The following CFAP97 variants were observed in gnomAD, a reference collection of about 807,000 sequenced individuals.
The protein encoded by CFAP97 is cilia- and flagella-associated protein 97.
A neutral mutation model predicts 43.1 loss-of-function variants in CFAP97; 36 were observed. The ratio of observed to expected loss-of-function variants is 0.84; its 90% CI spans 0.64 to 1.10. The LOEUF is 1.10. Among genes scored for constraint, CFAP97 ranks in the 50% least tolerant of loss-of-function variants. CFAP97 has a pLI of 0.00. For synonymous variants in CFAP97, 228 were observed against 225.7 expected, an observed-to-expected ratio of 1.01 and a Z score of -0.09; for missense variants, 657 against 620.3, an observed-to-expected ratio of 1.06 and a Z score of -0.63.
chr4:185,177,191 T>C (rs567612555), intron 2 of CFAP97, among the ~76,000 whole-genome samples: 1 of 152,144 alleles, frequency 6.6e-6, no homozygotes, highest in South Asian at 2.1e-4. Context: ...GGCAGGTGGA[T>C]TGCCTGAGGT....
chr4:185,198,649 T>C (rs1372006509), intron 1 of CFAP97, among the ~76,000 whole-genome samples: 1 of 150,774 alleles, frequency 6.6e-6, no homozygotes, highest in Non-Finnish European at 1.5e-5. Context: ...ATTAGCCGGG[T>C]GTGGTGGCGC....
At chr4:185,170,057 A>G in intron 3 of CFAP97, 1 of 1,192,640 alleles carries the variant, frequency 8.4e-7, no homozygotes, top group Non-Finnish European at 1.0e-6. Context: ...TTCTGAAGTT[A>G]CTCCTACAGG....
intron 1 of CFAP97, among the ~76,000 whole-genome samples, chr4:185,192,733 CTTTTTTTTTTTT>C (rs760026667): frequency 1.2e-5 from 1 of 81,410 alleles, no homozygotes; most frequent in African/African-American, 5.5e-5. Flanking sequence ...AATTGACCTT[CTTTTTTTTTTTT>C]TTTTTTTTTT....
chr4:185,200,008 C>A (rs1736753551), intron 1 of CFAP97, among the ~76,000 whole-genome samples: 1 of 152,184 alleles, frequency 6.6e-6, no homozygotes, highest in Non-Finnish European at 1.5e-5. Flanking sequence ...TTTTGTAAGG[C>A]CATATTTGTC....
chr4:185,193,946 T>C (rs1312032290), intron 1 of CFAP97, among the ~76,000 whole-genome samples: 1 of 152,002 alleles, frequency 6.6e-6, no homozygotes, highest in Non-Finnish European at 1.5e-5. Context: ...ATGGAAAAGC[T>C]TCTGTAGATA....
upstream of CFAP97, chr4:185,210,120 G>A (rs898718025): frequency 1.0e-6 from 1 of 984,114 alleles, no homozygotes; most frequent in East Asian, 1.1e-4. The surrounding 1 kb of genome is among the most constrained non-coding windows in gnomAD (Gnocchi z 4.4). Flanking sequence ...GCCTGTACCT[G>A]AGCTGCGCGG....
intron 1 of CFAP97, among the ~76,000 whole-genome samples, chr4:185,202,352 C>G (rs1736885080): frequency 6.6e-6 from 1 of 152,160 alleles, no homozygotes; most frequent in Non-Finnish European, 1.5e-5. Context: ...AGCTTGAGAC[C>G]AGCCTGGCCA....
chr4:185,176,826 C>T (rs969997647), intron 2 of CFAP97, among the ~76,000 whole-genome samples: 6 of 152,076 alleles, frequency 3.9e-5, no homozygotes, highest in Admixed American at 2.0e-4. Flanking sequence ...AAAGTAACTC[C>T]GAATATTCCA....
At chr4:185,201,187 G>A (rs907925374) in intron 1 of CFAP97, among the ~76,000 whole-genome samples, 6 of 151,958 alleles carry the variant, frequency 3.9e-5, no homozygotes, top group South Asian at 2.1e-4. Context: ...TTAGCTGGGC[G>A]TGGTGGCCCA....
At chr4:185,186,984 T>C (rs529336142) in intron 2 of CFAP97, among the ~76,000 whole-genome samples, 4 of 152,162 alleles carry the variant, frequency 2.6e-5, no homozygotes, top group African/African-American at 9.6e-5. Context: ...CAATAAATCA[T>C]CCACCTAGCG....
rs934986819 is a variant in CFAP97 at position 185,161,550 on chromosome 4, C to T, written c.*1248G>A. On this transcript the variant is annotated 3_prime_UTR_variant, in exon 5 of 5. Transcript: ENST00000458385. Reference sequence around the variant, plus strand: ...TGAAAAGGCTAGTAGTGAAAAACGGCGGTAACAATGAGATAACATACTTTG... The same window carrying T: ...TGAAAAGGCTAGTAGTGAAAAACGGTGGTAACAATGAGATAACATACTTTG... 1 of 151,984 alleles carries T rather than the reference C, an allele frequency of 6.6e-6. No homozygotes were observed. The allele number at this position is 151,984 out of a possible 1,614,324, so 9.4% of individuals were successfully genotyped here.
chr4:185,187,313 A>G (rs1392534713), intron 2 of CFAP97, among the ~76,000 whole-genome samples: 2 of 152,186 alleles, frequency 1.3e-5, no homozygotes, highest in Non-Finnish European at 2.9e-5. Context: ...CAGTCCCTTC[A>G]GTCTACAAAT....
At chr4:185,202,417 C>T (rs1252873173) in intron 1 of CFAP97, among the ~76,000 whole-genome samples, 1 of 152,130 alleles carries the variant, frequency 6.6e-6, no homozygotes, top group Non-Finnish European at 1.5e-5. Context: ...GGCGTTGTAG[C>T]TCTCGCCTGT....
chr4:185,197,661 C>T (rs1255022165), intron 1 of CFAP97, among the ~76,000 whole-genome samples: 6 of 152,088 alleles, frequency 3.9e-5, no homozygotes, highest in African/African-American at 1.2e-4. Context: ...CTCCTGACCT[C>T]GGGATCCGCC....
At chr4:185,197,218 T>C (rs1736595237) in intron 1 of CFAP97, among the ~76,000 whole-genome samples, 1 of 151,524 alleles carries the variant, frequency 6.6e-6, no homozygotes, top group South Asian at 2.1e-4. Context: ...AAGAGATGGA[T>C]GATTACACTG....
upstream of CFAP97, among the ~76,000 whole-genome samples, chr4:185,206,393 G>A (rs183537832): frequency 2.0e-5 from 3 of 152,144 alleles, no homozygotes; most frequent in Admixed American, 1.3e-4. Flanking sequence ...GATGTATGCC[G>A]GGCATGGTGG....
intron 3 of CFAP97, among the ~76,000 whole-genome samples, chr4:185,172,848 T>C (rs1160125333): frequency 2.3e-5 from 1 of 43,274 alleles, no homozygotes; most frequent in African/African-American, 1.0e-4. Context: ...ATCCCATCTC[T>C]ACAAAAAAAA....
chr4:185,169,537 T>C, intron 3 of CFAP97: 6 of 853,062 alleles, frequency 7.0e-6, no homozygotes, highest in Non-Finnish European at 8.5e-6. Context: ...TCAGGTAGTA[T>C]CTTTACAGCA....
At chr4:185,197,425 G>C (rs961175998) in intron 1 of CFAP97, among the ~76,000 whole-genome samples, 1 of 150,466 alleles carries the variant, frequency 6.6e-6, no homozygotes, top group Non-Finnish European at 1.5e-5. Context: ...AGTTGTTTTT[G>C]AATTTTTTTT....
Sources: allele counts gnomAD v4.1 joint callset (sites outside exome capture counted in the v4.1 genomes callset), GRCh38; gene constraint gnomAD v4.1.1; non-coding constraint Gnocchi (gnomAD v3.1); transcripts MANE v1.5; gene names NCBI Gene and HGNC (gene_info 2026-07-23, HGNC 2026-07-21).